Variants in UNC79 observed in about 807,000 individuals in gnomAD.
UNC79 encodes protein unc-79 homolog.
A neutral mutation model predicts 283.1 loss-of-function variants in UNC79; 37 were observed. The observed-to-expected ratio is 0.13, with a 90% confidence interval of 0.10 to 0.17. The LOEUF (loss-of-function observed/expected upper bound fraction) is 0.17, where lower values mean the gene tolerates loss of function less well. Ranked by LOEUF, UNC79 falls within the 10% of genes least tolerant of loss-of-function variation. The probability of loss-of-function intolerance (pLI) is 1.00; values close to 1 mark genes in which losing one functional copy is unlikely to be tolerated. For synonymous variants in UNC79, 1,107 were observed against 1,200.2 expected (o/e 0.92, Z 1.61); for missense variants, 2,272 against 3,211.1 (o/e 0.71, Z 7.07).
Position 93,675,322 on chromosome 14 carries a change from G to A in UNC79, c.6741+1867G>A, listed in dbSNP as rs988391529. Among the ~76,000 whole-genome samples the A allele has an allele frequency of 3.3e-5, 5 of 152,190 alleles. No individual in the cohort carries two copies. The East Asian group carries it at 5.8e-4, about 18-fold the overall frequency. On this transcript the variant is annotated intron_variant, in intron 41 of 48. Transcript: ENST00000555664. Reference sequence around the variant, plus strand: ...AAGTGGCTAACTGAACCTAGGAGACGGAGGAAGGCTTATGAAGCATTATGA... The same window carrying A: ...AAGTGGCTAACTGAACCTAGGAGACAGAGGAAGGCTTATGAAGCATTATGA...
intron 5 of UNC79, among the ~76,000 whole-genome samples, chr14:93,489,759 A>G (rs1361528426): frequency 6.6e-6 from 1 of 152,178 alleles, no homozygotes; most frequent in East Asian, 1.9e-4. Context: ...TGGGCCCCCA[A>G]GACCCTGCCC....
At position 93,381,815 on chromosome 14, in the gene UNC79, A is replaced by G. The variant is rs79280488; in HGVS notation, c.-351+48292A>G. 4.0e-3 allele frequency among the ~76,000 whole-genome samples: 604 copies of G among 152,324 alleles called. 2 individuals are homozygous for G. The highest frequency in any genetic ancestry group is 5.6e-3 in the Non-Finnish European group (383 of 68,026). On this transcript the variant is annotated intron_variant, in intron 1 of 49. Coordinates refer to the UNC79 transcript ENST00000256339. ...GAAGTGTCAGCTTTAAACACTTGCC[A>G]TGGTCAGAGAGCTTTAGAGGTAGAT... is the stretch of plus-strand genomic sequence containing the variant.
chr14:93,540,706 C>G, exon 13 of UNC79: 1 of 1,613,822 alleles, frequency 6.2e-7, no homozygotes, highest in South Asian at 1.1e-5. Flanking sequence ...AGAACATGAG[C>G]TGAACCGGCG....
intron 1 of UNC79, chr14:93,347,926 G>A: frequency 4.2e-6 from 3 of 706,234 alleles, no homozygotes; most frequent in Admixed American, 2.1e-5. Flanking sequence ...CTAGGACAAC[G>A]GTCTAGGTGC....
At chr14:93,404,493 A>AATATATATATATATATATATATATAT (rs1445930733) in intron 1 of UNC79, among the ~76,000 whole-genome samples, 2 of 61,420 alleles carry the variant, frequency 3.3e-5, no homozygotes, top group Admixed American at 2.4e-4. Flanking sequence ...TTCTAAAAAA[A>AATATATATATATATATATATATATAT]ATATATATAT....
intron 41 of UNC79, among the ~76,000 whole-genome samples, chr14:93,675,053 G>A (rs1043219559): frequency 5.3e-5 from 8 of 152,102 alleles, no homozygotes; most frequent in African/African-American, 1.7e-4. Flanking sequence ...CTGAAACTCC[G>A]CTTTTCTGAT....
At chr14:93,482,324 C>T (rs1365960456) in intron 4 of UNC79, among the ~76,000 whole-genome samples, 2 of 152,166 alleles carry the variant, frequency 1.3e-5, no homozygotes, top group South Asian at 2.1e-4. Flanking sequence ...CAGACCACTT[C>T]CACAGTGTTA....
At chr14:93,685,950 T>C (rs1361938008) in intron 42 of UNC79, among the ~76,000 whole-genome samples, 1 of 152,230 alleles carries the variant, frequency 6.6e-6, no homozygotes, top group African/African-American at 2.4e-5. Flanking sequence ...ATTTCGTTTC[T>C]TTCTTTTATT....
intron 30 of UNC79, 121 bp downstream of exon 32, chr14:93,622,962 A>G: frequency 7.6e-7 from 1 of 1,316,830 alleles, no homozygotes; most frequent in African/African-American, 1.5e-5. Flanking sequence ...GTGTGACATT[A>G]TAATGGCTTC....
chr14:93,479,072 G>A (rs560730271), intron 4 of UNC79, among the ~76,000 whole-genome samples: 6 of 152,096 alleles, frequency 3.9e-5, no homozygotes, highest in African/African-American at 1.2e-4. Context: ...TCTTGATATC[G>A]TTTTAGAATT....
chr14:93,635,698 A>G (rs538050447), intron 31 of UNC79, among the ~76,000 whole-genome samples: 4 of 152,206 alleles, frequency 2.6e-5, no homozygotes, highest in Non-Finnish European at 5.9e-5. Context: ...CATTTAACAG[A>G]TAGTTTCAAC....
chr14:93,430,085 G>T (rs182107225), upstream of UNC79, among the ~76,000 whole-genome samples: 7 of 152,272 alleles, frequency 4.6e-5, no homozygotes, highest in Admixed American at 4.6e-4. The surrounding 1 kb of genome is among the most constrained non-coding windows in gnomAD (Gnocchi z 4.6). Flanking sequence ...CGCTGCCTTC[G>T]GTTTTCCAGT....
intron 3 of UNC79, among the ~76,000 whole-genome samples, chr14:93,475,035 G>A (rs776819301): frequency 2.6e-5 from 4 of 152,176 alleles, no homozygotes; most frequent in Non-Finnish European, 5.9e-5. Flanking sequence ...TATGATATTA[G>A]TGGTGCTTAG....
intron 40 of UNC79, among the ~76,000 whole-genome samples, chr14:93,663,927 G>A (rs2182565): frequency 0.051 from 7,365 of 145,026 alleles, 244 homozygotes; most frequent in African/African-American, 0.11. Context: ...GTTGTACACT[G>A]TAGATATTGA....
At chr14:93,536,779 C>T (rs1431301273) in intron 11 of UNC79, among the ~76,000 whole-genome samples, 27 of 122,668 alleles carry the variant, frequency 2.2e-4, no homozygotes, top group Admixed American at 1.4e-3. Flanking sequence ...CACCCACCCC[C>T]GGCTTTTTTT....
intron 7 of UNC79, among the ~76,000 whole-genome samples, chr14:93,510,831 G>A (rs555426071): frequency 6.6e-6 from 1 of 152,172 alleles, no homozygotes; most frequent in African/African-American, 2.4e-5. Context: ...ACCTTTGCCC[G>A]TTACCCAGTT....
chr14:93,442,875 G>A (rs1190778604), intron 1 of UNC79, among the ~76,000 whole-genome samples: 1 of 152,094 alleles, frequency 6.6e-6, no homozygotes, highest in African/African-American at 2.4e-5. Flanking sequence ...GATCACTTTA[G>A]GTCAGGAGTT....
At chr14:93,618,263 T>C (rs1007529605) in exon 29 of UNC79, 1 of 1,614,046 alleles carries the variant, frequency 6.2e-7, no homozygotes, top group Non-Finnish European at 8.5e-7. Flanking sequence ...ATACACTCAA[T>C]GCGCAGTATC....
chr14:93,375,903 C>T (rs143700357), intron 1 of UNC79, among the ~76,000 whole-genome samples: 1 of 152,198 alleles, frequency 6.6e-6, no homozygotes, highest in East Asian at 1.9e-4. Context: ...AATGAGTCAT[C>T]GGGAGTGGGA....
Sources: gnomAD v4.1 joint callset for allele counts (sites outside exome capture counted in the v4.1 genomes callset) on GRCh38, gnomAD v4.1.1 for gene constraint, Gnocchi (gnomAD v3.1) non-coding constraint, MANE v1.5 for transcripts, NCBI Gene and HGNC (gene_info 2026-07-23, HGNC 2026-07-21) for gene names.